Variants in SYK observed in about 807,000 individuals in gnomAD.
SYK encodes spleen associated tyrosine kinase.
Under a neutral mutation model 77.8 loss-of-function variants are expected in SYK, and 16 were observed. The ratio of observed to expected loss-of-function variants is 0.21; its 90% CI spans 0.14 to 0.31. The LOEUF (loss-of-function observed/expected upper bound fraction) is 0.31. SYK is among the 10% of genes least tolerant of loss of function. SYK has a pLI of 1.00. For missense variants in SYK, 529 were observed against 814.4 expected, an observed-to-expected ratio of 0.65 and a Z score of 4.26; for synonymous variants, 312 against 308.7, an observed-to-expected ratio of 1.01 and a Z score of -0.11.
intron 2 of SYK, 147 bp downstream of exon 2, chr9:90,844,462 A>C: frequency 1.1e-6 from 1 of 936,824 alleles, no homozygotes; most frequent in Non-Finnish European, 1.5e-6. Context: ...TGGCCAAAAA[A>C]TGCCTCTCTC....
In SYK at chr9:90,861,605, CCAGCCCTGCCTCCCTTTCCTGCA is replaced by C. The variant is rs1394384402; in HGVS notation, c.579-600_579-578del. 1.5e-3 allele frequency among the ~76,000 whole-genome samples: 112 copies of C among 72,722 alleles called. 1 individual carries two copies. The highest frequency in any genetic ancestry group is 3.6e-3 in the Admixed American group (22 of 6,050). The allele number at this position is 72,722 out of a possible 152,430, so 47.7% of individuals were successfully genotyped here. ...TTTCCTGCAGTGGGAGAGTGGAAGTCCAGCCCTGCCTCCCTTTCCTGCAGTGGGAGCATGGGAGGGACTGAGGA... is the reference window on the plus strand; with the variant it reads ...TTTCCTGCAGTGGGAGAGTGGAAGTCGTGGGAGCATGGGAGGGACTGAGGA... On this transcript the variant is annotated intron_variant, in intron 3 of 13. Transcript: ENST00000375754.
intron 3 of SYK, among the ~76,000 whole-genome samples, chr9:90,851,040 G>A (rs1394688716): frequency 6.6e-6 from 1 of 152,152 alleles, no homozygotes; most frequent in Non-Finnish European, 1.5e-5. Context: ...TGAGCTAGAG[G>A]GCATTTACCA....
intron 11 of SYK, 108 bp downstream of exon 11, chr9:90,879,061 T>C: frequency 1.3e-6 from 1 of 764,698 alleles, no homozygotes. Context: ...GCAGTTTTGC[T>C]ACTGAAAAAT....
intron 1 of SYK, among the ~76,000 whole-genome samples, chr9:90,812,201 A>G (rs960513046): frequency 6.6e-6 from 1 of 152,188 alleles, no homozygotes; most frequent in Non-Finnish European, 1.5e-5. Context: ...GTGTGCCTGC[A>G]GTATTTACAA....
At chr9:90,856,542 C>T (rs1028819131) in intron 3 of SYK, among the ~76,000 whole-genome samples, 2 of 147,546 alleles carry the variant, frequency 1.4e-5, no homozygotes, top group Non-Finnish European at 3.0e-5. Flanking sequence ...CTCTTACGCT[C>T]ATTCACTGAT....
At chr9:90,843,498 C>CT (rs1252172080) in intron 1 of SYK, among the ~76,000 whole-genome samples, 1 of 152,226 alleles carries the variant, frequency 6.6e-6, no homozygotes, top group Non-Finnish European at 1.5e-5. Context: ...CTGTATGCTG[C>CT]TGGGACCCTG....
At chr9:90,862,085 C>A in intron 3 of SYK, 121 bp from the exon 4 acceptor site, 2 of 1,298,758 alleles carry the variant, frequency 1.5e-6, no homozygotes, top group Non-Finnish European at 1.0e-6. Context: ...CTCCAGCTGC[C>A]TTGCCAGGTG....
chr9:90,886,885 C>T (rs2118963002), intron 11 of SYK, among the ~76,000 whole-genome samples: 1 of 152,136 alleles, frequency 6.6e-6, no homozygotes, highest in South Asian at 2.1e-4. Flanking sequence ...CCTAACTGTC[C>T]ATGGATGGAT....
At chr9:90,847,121 G>T (rs779803814) in intron 3 of SYK, among the ~76,000 whole-genome samples, 22 of 152,186 alleles carry the variant, frequency 1.4e-4, no homozygotes, top group Non-Finnish European at 2.6e-4. Flanking sequence ...CTTTCTGGGA[G>T]ATGTATATAA....
At chr9:90,846,162 A>G (rs1231897314) in intron 3 of SYK, among the ~76,000 whole-genome samples, 2 of 152,256 alleles carry the variant, frequency 1.3e-5, no homozygotes, top group East Asian at 3.9e-4. Context: ...TGTAAATCTA[A>G]ATTGTAGAAG....
Position 90,874,835 on chromosome 9 carries a change from C to CT in SYK, c.1168dup (p.Tyr390LeufsTer21). 1.2e-6 allele frequency: 2 copies of CT among 1,614,008 alleles called. No individual in the cohort carries two copies. Among genetic ancestry groups the CT allele is most frequent in the Non-Finnish European group, 1.7e-6 (2 of 1,179,942 alleles). Reference sequence around the variant, plus strand: ...ATTTTGGAACTGTGAAAAAGGGCTACTACCAAATGAAAAAGTAAGTTGCTA... The same window carrying CT: ...ATTTTGGAACTGTGAAAAAGGGCTACTTACCAAATGAAAAAGTAAGTTGCTA... On this transcript the variant is annotated frameshift_variant, in exon 9 of 14. Coordinates refer to ENST00000375754, the MANE Select transcript of SYK (RefSeq NM_003177.7). LOFTEE classifies it high-confidence loss of function.
intron 1 of SYK, among the ~76,000 whole-genome samples, chr9:90,842,758 A>AGTGTGTGTGTGTGTGTGTGT (rs60139969): frequency 1.7e-5 from 1 of 58,350 alleles, no homozygotes; most frequent in African/African-American, 5.8e-5. Flanking sequence ...GTATGGAGAG[A>AGTGTGTGTGTGTGTGTGTGT]GTGTGTGTGT....
At chr9:90,802,847 A>G (rs1162242393) in intron 1 of SYK, among the ~76,000 whole-genome samples, 2 of 135,056 alleles carry the variant, frequency 1.5e-5, no homozygotes, top group African/African-American at 5.7e-5. Context: ...ATGTTGTGCC[A>G]TATCTGATTC....
intron 3 of SYK, among the ~76,000 whole-genome samples, chr9:90,857,940 T>TG (rs1184092331): frequency 1.9e-5 from 2 of 105,346 alleles, no homozygotes; most frequent in Admixed American, 1.0e-4. Flanking sequence ...TACTCTGCCA[T>TG]GGAAAAAAAA....
intron 3 of SYK, among the ~76,000 whole-genome samples, chr9:90,849,013 C>A (rs1251954408): frequency 6.6e-6 from 1 of 152,172 alleles, no homozygotes; most frequent in South Asian, 2.1e-4. Context: ...GAGCAGGGCA[C>A]CCACAGAGGC....
chr9:90,810,360 G>T lies in SYK; in HGVS notation c.-42+8467G>T, dbSNP rs147084089. ...CTCTGGGTCCAGATCTCCTTTTCAT[G>T]TAAGGACACCAGTCATGTTGGAGTA... On this transcript the variant is annotated intron_variant, in intron 1 of 13. Transcript: ENST00000375754. Among the ~76,000 whole-genome samples, 986 of 152,270 alleles carry T rather than the reference G, an allele frequency of 6.5e-3. 9 individuals carry two copies. The highest frequency in any genetic ancestry group is 0.015 in the African/African-American group (638 of 41,550).
chr9:90,878,921 A>G lies in SYK; in HGVS notation c.1549A>G (p.Lys517Glu). The G allele has an allele frequency of 6.2e-7, 1 of 1,613,878 alleles. No individual in the cohort carries two copies. Among genetic ancestry groups the G allele is most frequent in the Non-Finnish European group, 8.5e-7 (1 of 1,179,738 alleles). The change falls in exon 11 of 14, where the codon AAA becomes GAA. Residue 517 changes from lysine (K) to glutamate (E), a missense_variant. This residue lies in a region of SYK where 208 missense variants were observed against 381.3 expected (regional missense o/e 0.55). Transcript: ENST00000375754. ...CAAGATCAGTGATTTCGGACTTTCCAAAGCACTGCGTGCTGATGAAAACTA... is the reference window on the plus strand; with the variant it reads ...CAAGATCAGTGATTTCGGACTTTCCGAAGCACTGCGTGCTGATGAAAACTA... ...YAKISDFGLS[K>E]ALRADENYYK...
At chr9:90,831,383 CAT>C (rs1464699792) in intron 1 of SYK, among the ~76,000 whole-genome samples, 2 of 152,324 alleles carry the variant, frequency 1.3e-5, no homozygotes, top group Non-Finnish European at 2.9e-5. Context: ...GATACAGAGA[CAT>C]AGGCTACCTC....
chr9:90,880,340 C>T (rs1828101857), intron 11 of SYK, among the ~76,000 whole-genome samples: 1 of 152,298 alleles, frequency 6.6e-6, no homozygotes, highest in East Asian at 1.9e-4. Context: ...AAAGGCCAGG[C>T]GAGAGTACAG....
Sources: allele counts gnomAD v4.1 joint callset (sites outside exome capture counted in the v4.1 genomes callset), GRCh38; gene constraint gnomAD v4.1.1; regional missense constraint gnomAD v4.1.1; transcripts MANE v1.5; gene names NCBI Gene and HGNC (gene_info 2026-07-23, HGNC 2026-07-21).